The following ABHD8 variants were observed in gnomAD, a reference collection of about 807,000 sequenced individuals.
ABHD8 encodes abhydrolase domain containing 8.
Under a neutral mutation model 29.3 loss-of-function variants are expected in ABHD8, and 10 were observed. The observed-to-expected ratio is 0.34, with a 90% confidence interval of 0.21 to 0.58. The LOEUF is 0.58. ABHD8 is among the 20% of genes least tolerant of loss of function. The probability of loss-of-function intolerance (pLI) is 0.85; values close to 1 mark genes in which losing one functional copy is unlikely to be tolerated. For missense variants in ABHD8, 556 were observed against 615.3 expected (o/e 0.90, Z 1.02); for synonymous variants, 282 against 274.6 (o/e 1.03, Z -0.27).
At chr19:17,296,458 G>A (rs1483014641) in intron 2 of ABHD8, 3 of 152,176 alleles carry the variant, frequency 2.0e-5, no homozygotes, top group Non-Finnish European at 2.9e-5. Flanking sequence ...GGCTGCCCAG[G>A]GGAGGTCACT....
At chr19:17,298,036 T>A (rs2074101296) in intron 2 of ABHD8, 1 of 151,840 alleles carries the variant, frequency 6.6e-6, no homozygotes, top group South Asian at 2.1e-4. Flanking sequence ...TGCCTCAGCC[T>A]CCTGAGTAGC....
Position 17,294,511 on chromosome 19 carries a change from G to A in ABHD8, c.933-7C>T, listed in dbSNP as rs915796204. 5 of 1,613,742 alleles carry A rather than the reference G, an allele frequency of 3.1e-6. No homozygotes were observed. Among genetic ancestry groups the A allele is most frequent in the Non-Finnish European group, 4.2e-6 (5 of 1,180,006 alleles). The stretch of plus-strand genomic sequence containing the variant: ...TTGGCGGGCGAAGCCGGCCCTGGTG[G>A]TGGTGGAGGCACCGCTAGAGCCCCT... On this transcript the variant is annotated splice_polypyrimidine_tract_variant and splice_region_variant and intron_variant, in intron 3 of 4. Coordinates refer to ENST00000247706, the MANE Select transcript of ABHD8 (RefSeq NM_024527.5).
At position 17,297,182 on chromosome 19, in the gene ABHD8, A is replaced by G. The variant is rs139904743; in HGVS notation, c.762-2337T>C. Among the ~76,000 whole-genome samples the G allele has an allele frequency of 3.9e-4, 60 of 152,340 alleles. 1 individual carries two copies. The East Asian group carries it at 0.011, about 28-fold the overall frequency. ...AGGGACTTCCTGTATGCCTTTGGGC[A>G]GGTTGCTTCACCTCTCTGAGCTTCA... On this transcript the variant is annotated intron_variant, in intron 2 of 4. Coordinates refer to ENST00000247706, the MANE Select transcript of ABHD8 (RefSeq NM_024527.5).
rs770758079 is a variant in ABHD8, at chr19:17,294,771, C to T, written c.836G>A (p.Gly279Asp). 3 of 1,614,206 alleles carry T rather than the reference C, an allele frequency of 1.9e-6. No homozygotes were observed. The highest frequency in any genetic ancestry group is 2.5e-6 in the Non-Finnish European group (3 of 1,180,042). Residue 279 changes from glycine to aspartate, a missense_variant, in exon 3 of 5, where the codon GGC (glycine) becomes GAC (aspartate). Gly to Asp is a moderately conservative substitution (Grantham distance 94). Coordinates refer to ENST00000247706, the MANE Select transcript of ABHD8 (RefSeq NM_024527.5). The part of the protein sequence containing the change: ...VHKVIMINGG[G>D]PTALEPSFCS... ...GAAGCTGGGCTCCAGCGCCGTAGGG[C>T]CCCCGCCATTGATCATGATCACCTT...
intron 2 of ABHD8, among the ~76,000 whole-genome samples, 168 bp from the exon 3 acceptor site, chr19:17,295,013 T>C (rs1376847113): frequency 6.6e-6 from 1 of 150,654 alleles, no homozygotes; most frequent in Non-Finnish European, 1.5e-5. Context: ...AACCTCTGCC[T>C]CCCAGGTTCA....
chr19:17,294,233 C>T, intron 4 of ABHD8, 55 bp downstream of exon 4: 5 of 1,567,906 alleles, frequency 3.2e-6, no homozygotes, highest in Non-Finnish European at 4.3e-6. Context: ...CCACGCCCCT[C>T]CCGGGCAGCA....
rs1407363673 is a variant in ABHD8 at position 17,292,843 on chromosome 19, G to A, written c.1150-12C>T. On this transcript the variant is annotated splice_polypyrimidine_tract_variant and intron_variant, in intron 4 of 4. Coordinates refer to ENST00000247706, the MANE Select transcript of ABHD8 (RefSeq NM_024527.5). Reference sequence around the variant, plus strand: ...GCCAGGAGCAGGATCTGCAGAAGACGCAGGGCTCAAGGTAGGCGGGGGCAA... The same window carrying A: ...GCCAGGAGCAGGATCTGCAGAAGACACAGGGCTCAAGGTAGGCGGGGGCAA... 6.2e-7 allele frequency: 1 copy of A among 1,608,992 alleles called. No homozygotes were observed. The highest frequency in any genetic ancestry group is 8.5e-7 in the Non-Finnish European group (1 of 1,177,004).
rs771087992 is a variant in ABHD8, at chr19:17,301,378, C to T, written c.239G>A (p.Arg80His). The change falls in exon 2 of 5, where the codon CGC becomes CAC. Residue 80 changes from arginine (R) to histidine (H), a missense_variant. By Grantham distance (29) the Arg-to-His change is conservative. Around this residue, in one of 2 missense-constraint regions of ABHD8, gnomAD observed 286 missense variants for 261.4 expected, o/e 1.09. Coordinates refer to ENST00000247706, the MANE Select transcript of ABHD8 (RefSeq NM_024527.5). ...CCCATTGCGGTACACGGTGATCCGGCGCTGACAGCGGACCAAGCCGGAGAG... is the reference window on the plus strand; with the variant it reads ...CCCATTGCGGTACACGGTGATCCGGTGCTGACAGCGGACCAAGCCGGAGAG... ...GDLSGLVRCQ[R>H]RITVYRNGRL... 8.0e-5 allele frequency: 129 copies of T among 1,611,102 alleles called. No homozygotes were observed. The highest frequency in any genetic ancestry group is 9.9e-5 in the Non-Finnish European group (117 of 1,179,920).
At chr19:17,299,043 G>T (rs1828832139) in intron 2 of ABHD8, among the ~76,000 whole-genome samples, 1 of 152,100 alleles carries the variant, frequency 6.6e-6, no homozygotes, top group Non-Finnish European at 1.5e-5. Context: ...CACCTGGCCT[G>T]AGCAACACTG....
intron 2 of ABHD8, among the ~76,000 whole-genome samples, chr19:17,295,250 C>T (rs868437962): frequency 1.3e-5 from 2 of 151,918 alleles, no homozygotes; most frequent in Admixed American, 6.6e-5. Context: ...GGACTACAGG[C>T]GCCCGCCACC....
intron 2 of ABHD8, among the ~76,000 whole-genome samples, chr19:17,298,985 G>A (rs1186950135): frequency 2.0e-5 from 3 of 152,106 alleles, no homozygotes; most frequent in African/African-American, 7.2e-5. Context: ...CAAGTGATCT[G>A]CCTGCTTTGG....
Position 17,300,936 on chromosome 19 carries a change from G to A in ABHD8, c.681C>T (p.Phe227=), listed in dbSNP as rs570097692. The A allele has an allele frequency of 1.0e-4, 163 of 1,613,328 alleles. 2 individuals carry two copies. In the South Asian group the frequency reaches 1.6e-3, roughly 16 times the overall value. The change falls in exon 2 of 5, where the codon TTC becomes TTT. Residue 227 remains phenylalanine, a synonymous_variant. Coordinates refer to ENST00000247706, the MANE Select transcript of ABHD8 (RefSeq NM_024527.5). ...CTCGCATGTCCTCAGCCAGCGCATA[G>A]AAGGTGTAGGCTGCGGCCACCTGGG... ...SAPQVAAAYT[F]YALAEDMRAI...
At chr19:17,297,092 G>A (rs28419078) in intron 2 of ABHD8, among the ~76,000 whole-genome samples, 5,444 of 152,304 alleles carry the variant, frequency 0.036, 322 homozygotes, top group African/African-American at 0.12. Context: ...TTAAGGAAAT[G>A]TTTGCCAGCC....
chr19:17,300,707 A>G (rs2074113355), intron 2 of ABHD8, 149 bp downstream of exon 2: 7 of 1,035,904 alleles, frequency 6.8e-6, no homozygotes, highest in Non-Finnish European at 9.7e-6. Context: ...CGAACTCCCA[A>G]CCTCAGGTGA....
rs770634615 is a variant in ABHD8 at position 17,292,637 on chromosome 19, A to T, written c.*24T>A. On this transcript the variant is annotated 3_prime_UTR_variant, in exon 5 of 5. Coordinates refer to ENST00000247706, the MANE Select transcript of ABHD8 (RefSeq NM_024527.5). ...CCTCCTGCTGCGGCTGTGCTCACCA[A>T]GCGATGCCCCGCCGGCCCAGCGGCT... 2 of 1,594,464 alleles carry T rather than the reference A, an allele frequency of 1.3e-6. No individual in the cohort carries two copies. Among genetic ancestry groups the T allele is most frequent in the Non-Finnish European group, 1.7e-6 (2 of 1,171,354 alleles).
intron 2 of ABHD8, chr19:17,296,700 T>G (rs904957095): frequency 3.3e-5 from 5 of 151,808 alleles, no homozygotes; most frequent in African/African-American, 4.8e-5. Context: ...ATAAGGTTTT[T>G]TTTTTTTTTT....
At chr19:17,300,065 C>T (rs189631217) in intron 2 of ABHD8, among the ~76,000 whole-genome samples, 1 of 151,798 alleles carries the variant, frequency 6.6e-6, no homozygotes, top group African/African-American at 2.4e-5. Context: ...CCACCACACC[C>T]AGCTAATTTT....
At chr19:17,295,408 GGTTT>G (rs1482024202) in intron 2 of ABHD8, among the ~76,000 whole-genome samples, 1 of 151,010 alleles carries the variant, frequency 6.6e-6, no homozygotes, top group East Asian at 2.0e-4. Context: ...CGCCTGGCCT[GGTTT>G]GTTTTTGTTT....
rs751789650 is a variant in ABHD8, at chr19:17,301,086, C to T, written c.531G>A (p.Val177=). The change falls in exon 2 of 5, where the codon GTG becomes GTA. Residue 177 remains valine, a synonymous_variant. Transcript: ENST00000247706. The stretch of plus-strand genomic sequence containing the variant: ...CGCCGACACCATGGATGAAAAAGAG[C>T]ACCACGTCGGCCTGGGCGCCTTTGC... ...TSCKGAQADV[V]LFFIHGVGGS... 14 of 1,613,486 alleles carry T rather than the reference C, an allele frequency of 8.7e-6. No homozygotes were observed. In the Admixed American group the frequency reaches 1.8e-4, roughly 21 times the overall value.
Sources: allele counts gnomAD v4.1 joint callset (sites outside exome capture counted in the v4.1 genomes callset), GRCh38; gene constraint gnomAD v4.1.1; regional missense constraint gnomAD v4.1.1; transcripts MANE v1.5; gene names NCBI Gene and HGNC (gene_info 2026-07-23, HGNC 2026-07-21).